The following DLG2 variants were observed in gnomAD, a reference collection of about 807,000 sequenced individuals.
DLG2 encodes disks large homolog 2.
In DLG2, 45 loss-of-function variants were observed where a neutral mutation model predicts 132.5. The ratio of observed to expected loss-of-function variants is 0.34; its 90% CI spans 0.27 to 0.44. The LOEUF is 0.44. DLG2 is among the 20% of genes least tolerant of loss of function. The pLI is 1.00. For missense variants in DLG2, 1,045 were observed against 1,196.9 expected, an observed-to-expected ratio of 0.87 and a Z score of 1.87; for synonymous variants, 424 against 419.6, an observed-to-expected ratio of 1.01 and a Z score of -0.13.
chr11:84,503,810 G>C (rs547752785), intron 7 of DLG2, among the ~76,000 whole-genome samples: 17 of 152,300 alleles, frequency 1.1e-4, no homozygotes, highest in African/African-American at 4.1e-4. Flanking sequence ...ATATTACCCT[G>C]TAAGCATCAC....
chr11:84,842,755 C>A (rs571784659), intron 6 of DLG2, among the ~76,000 whole-genome samples: 30 of 151,684 alleles, frequency 2.0e-4, no homozygotes, highest in South Asian at 1.3e-3. Context: ...GTTTTAGGAT[C>A]ATTAAAGGAG....
intron 4 of DLG2, among the ~76,000 whole-genome samples, chr11:85,227,130 A>T (rs2075024653): frequency 6.6e-6 from 1 of 152,114 alleles, no homozygotes; most frequent in Non-Finnish European, 1.5e-5. Flanking sequence ...AAATAAAACA[A>T]AAATAGCATC....
chr11:84,186,081 T>G (rs2096271066), intron 8 of DLG2, among the ~76,000 whole-genome samples: 1 of 152,198 alleles, frequency 6.6e-6, no homozygotes, highest in East Asian at 1.9e-4. Flanking sequence ...TTCCTCTTGC[T>G]ATTTCTAAGA....
chr11:84,231,679 G>C (rs951030752), intron 8 of DLG2, among the ~76,000 whole-genome samples: 2 of 152,112 alleles, frequency 1.3e-5, no homozygotes, highest in African/African-American at 4.8e-5. Context: ...TATCATACTA[G>C]TGAGTTTATA....
intron 18 of DLG2, among the ~76,000 whole-genome samples, chr11:83,694,476 G>A (rs1457944192): frequency 1.3e-5 from 2 of 152,180 alleles, no homozygotes; most frequent in African/African-American, 4.8e-5. Context: ...GATCATTGCA[G>A]ATAGAAATGT....
chr11:85,489,786 T>C (rs1315200125), intron 3 of DLG2, among the ~76,000 whole-genome samples: 1 of 152,164 alleles, frequency 6.6e-6, no homozygotes, highest in African/African-American at 2.4e-5. Flanking sequence ...TACGAACACA[T>C]GGAAATTAAA....
At chr11:84,076,384 GCTCA>G (rs1352838382) in intron 10 of DLG2, among the ~76,000 whole-genome samples, 1 of 152,082 alleles carries the variant, frequency 6.6e-6, no homozygotes, top group Non-Finnish European at 1.5e-5. Flanking sequence ...TCTATCTAGC[GCTCA>G]CTATTTACAA....
At chr11:83,573,033 T>G (rs1448248032) in intron 19 of DLG2, among the ~76,000 whole-genome samples, 1 of 152,178 alleles carries the variant, frequency 6.6e-6, no homozygotes, top group Non-Finnish European at 1.5e-5. Context: ...TTTAGTAGCT[T>G]TTTATGATTT....
intron 9 of DLG2, among the ~76,000 whole-genome samples, chr11:84,150,144 C>T (rs2095247517): frequency 6.6e-6 from 1 of 152,144 alleles, no homozygotes; most frequent in Non-Finnish European, 1.5e-5. Flanking sequence ...GTAAACCACT[C>T]TGGTCAGTAT....
At chr11:84,664,419 A>G (rs989671738) in intron 6 of DLG2, among the ~76,000 whole-genome samples, 1 of 152,186 alleles carries the variant, frequency 6.6e-6, no homozygotes, top group Non-Finnish European at 1.5e-5. Flanking sequence ...TAGTAACTAC[A>G]CTTATAATTA....
intron 4 of DLG2, among the ~76,000 whole-genome samples, chr11:85,202,946 A>C (rs1026280663): frequency 1.3e-5 from 2 of 151,576 alleles, no homozygotes; most frequent in African/African-American, 4.8e-5. Context: ...TAAAAAATCT[A>C]AAAACTTCAA....
chr11:83,579,203 T>C (rs1431669889), intron 19 of DLG2, among the ~76,000 whole-genome samples: 1 of 151,990 alleles, frequency 6.6e-6, no homozygotes, highest in Non-Finnish European at 1.5e-5. Context: ...TATTTGGACT[T>C]TGAGAGAGTA....
At chr11:84,608,224 C>T (rs1222287290) in intron 6 of DLG2, among the ~76,000 whole-genome samples, 7 of 152,176 alleles carry the variant, frequency 4.6e-5, no homozygotes, top group Admixed American at 4.6e-4. Flanking sequence ...TGTGGCCCAA[C>T]TCATTCAAGG....
chr11:83,910,477 G>T (rs1217403244), intron 15 of DLG2, among the ~76,000 whole-genome samples: 1 of 152,084 alleles, frequency 6.6e-6, no homozygotes, highest in Admixed American at 6.6e-5. Flanking sequence ...TGTTTTCTTT[G>T]TTATTTCAAT....
chr11:84,903,198 C>T (rs2091108415), intron 6 of DLG2, among the ~76,000 whole-genome samples: 1 of 152,092 alleles, frequency 6.6e-6, no homozygotes, highest in South Asian at 2.1e-4. Flanking sequence ...AATTCTAAAC[C>T]TTTAGCGAAT....
intron 10 of DLG2, among the ~76,000 whole-genome samples, chr11:84,083,716 C>T (rs1403613062): frequency 6.6e-6 from 1 of 152,172 alleles, no homozygotes; most frequent in African/African-American, 2.4e-5. Context: ...GATGCTGGTA[C>T]CATGCTCTTG....
chr11:84,684,670 T>A (rs1484247292), intron 6 of DLG2, among the ~76,000 whole-genome samples: 1 of 152,218 alleles, frequency 6.6e-6, no homozygotes, highest in Non-Finnish European at 1.5e-5. Flanking sequence ...CTGAGCCTAC[T>A]TTCTCCTCTG....
intron 3 of DLG2, among the ~76,000 whole-genome samples, chr11:85,496,489 G>C (rs531606457): frequency 6.6e-6 from 1 of 152,328 alleles, no homozygotes; most frequent in South Asian, 2.1e-4. Flanking sequence ...TCTGGGGACA[G>C]GGCATATCTG....
At chr11:84,509,987 C>A (rs1294637510) in intron 7 of DLG2, among the ~76,000 whole-genome samples, 3 of 151,234 alleles carry the variant, frequency 2.0e-5, no homozygotes, top group East Asian at 3.9e-4. Flanking sequence ...AAATTCAAAG[C>A]AACAAAAACA....
Sources: gnomAD v4.1 joint callset for allele counts (sites outside exome capture counted in the v4.1 genomes callset) on GRCh38, gnomAD v4.1.1 for gene constraint, MANE v1.5 for transcripts, NCBI Gene and HGNC (gene_info 2026-07-23, HGNC 2026-07-21) for gene names.